CSMD1: variants seen among roughly 807,000 people sequenced by gnomAD.
The protein encoded by CSMD1 is CUB and Sushi multiple domains 1.
A neutral mutation model predicts 417.5 loss-of-function variants in CSMD1; 213 were observed. That is an observed-to-expected ratio of 0.51 (90% CI 0.46 to 0.57). The LOEUF is 0.57. Among genes scored for constraint, CSMD1 ranks in the 20% least tolerant of loss-of-function variants. The pLI is 0.00. For missense variants in CSMD1, 6,923 were observed against 4,529.7 expected (o/e 1.53, Z -15.17); for synonymous variants, 2,862 against 1,736.8 (o/e 1.65, Z -16.11).
intron 2 of CSMD1, among the ~76,000 whole-genome samples, chr8:4,619,099 T>A (rs574689783): frequency 4.7e-4 from 72 of 152,262 alleles, no homozygotes; most frequent in African/African-American, 1.7e-3. Context: ...ATAATAAATA[T>A]CCTGGTTGAA....
chr8:3,234,874 G>C lies in CSMD1; in HGVS notation c.4154-4643C>G, dbSNP rs1176017060. Among the ~76,000 whole-genome samples the C allele has an allele frequency of 2.0e-5, 3 of 152,312 alleles. No individual in the cohort carries two copies. The East Asian group carries it at 5.8e-4, about 29-fold the overall frequency. ...ACACAAATTCTTGAATTTACTCTTT[G>C]AGTGATATTCCTATAGAATCTATGA... is the stretch of plus-strand genomic sequence containing the variant. On this transcript the variant is annotated intron_variant, in intron 26 of 69. Coordinates refer to ENST00000635120, the MANE Select transcript of CSMD1 (RefSeq NM_033225.6).
intron 10 of CSMD1, among the ~76,000 whole-genome samples, chr8:3,502,351 C>G (rs1169073142): frequency 8.1e-6 from 1 of 123,920 alleles, no homozygotes; most frequent in East Asian, 2.3e-4. Flanking sequence ...GGGGACAGAC[C>G]GAGACTTCAT....
chr8:3,421,504 C>T (rs1299913026), intron 12 of CSMD1, among the ~76,000 whole-genome samples: 1 of 152,308 alleles, frequency 6.6e-6, no homozygotes, highest in South Asian at 2.1e-4. Flanking sequence ...TAGAGGAGTT[C>T]TCACTATGAA....
intron 5 of CSMD1, among the ~76,000 whole-genome samples, chr8:3,776,550 C>T (rs1323745191): frequency 2.0e-5 from 3 of 152,110 alleles, no homozygotes; most frequent in African/African-American, 4.8e-5. Context: ...GCATAGAATG[C>T]CAGATATTCT....
chr8:4,185,738 G>T (rs911580021), intron 3 of CSMD1, among the ~76,000 whole-genome samples: 1 of 152,182 alleles, frequency 6.6e-6, no homozygotes, highest in African/African-American at 2.4e-5. Flanking sequence ...TCATGCCTTT[G>T]AAGAGCTATC....
chr8:3,546,271 TA>T (rs34556563), intron 10 of CSMD1, among the ~76,000 whole-genome samples: 1 of 150,696 alleles, frequency 6.6e-6, no homozygotes, highest in Non-Finnish European at 1.5e-5. Flanking sequence ...CCTCTATTAT[TA>T]AAAAAAAAAT....
intron 10 of CSMD1, among the ~76,000 whole-genome samples, chr8:3,514,381 A>C (rs982341860): frequency 1.3e-5 from 2 of 152,192 alleles, no homozygotes; most frequent in African/African-American, 4.8e-5. Flanking sequence ...ACACCTAGCA[A>C]TACAACATGC....
At chr8:4,309,233 G>C (rs1188713157) in intron 3 of CSMD1, among the ~76,000 whole-genome samples, 1 of 151,988 alleles carries the variant, frequency 6.6e-6, no homozygotes, top group Non-Finnish European at 1.5e-5. Flanking sequence ...TTAAGTGCAA[G>C]ACCCATAATT....
At chr8:4,300,474 A>G (rs1797922113) in intron 3 of CSMD1, among the ~76,000 whole-genome samples, 1 of 152,238 alleles carries the variant, frequency 6.6e-6, no homozygotes, top group Non-Finnish European at 1.5e-5. Flanking sequence ...ATTTAACTAC[A>G]TAAATACAGT....
chr8:4,861,357 G>A (rs1378024733), intron 1 of CSMD1, among the ~76,000 whole-genome samples: 1 of 152,058 alleles, frequency 6.6e-6, no homozygotes, highest in Non-Finnish European at 1.5e-5. Context: ...GGCTTTATGG[G>A]TTCAATAGTT....
At chr8:4,102,455 C>A (rs2130882623) in intron 3 of CSMD1, among the ~76,000 whole-genome samples, 1 of 152,252 alleles carries the variant, frequency 6.6e-6, no homozygotes, top group Middle Eastern at 3.4e-3. Flanking sequence ...AGTCCTTGGT[C>A]AGTTTCAGGC....
In CSMD1 at chr8:4,001,928, G is replaced by C. The variant is rs558833865; in HGVS notation, c.611-3818C>G. Among the ~76,000 whole-genome samples, 269 of 152,236 alleles carry C rather than the reference G, an allele frequency of 1.8e-3. 1 individual carries two copies. The highest frequency in any genetic ancestry group is 3.4e-3 in the Non-Finnish European group (228 of 68,016). On this transcript the variant is annotated intron_variant, in intron 4 of 69. Transcript: ENST00000635120. ...AAAATTCCCAAACCTTATGACTATTGCATTTCTTCAGTAGATATGTTAATG... is the reference window on the plus strand; with the variant it reads ...AAAATTCCCAAACCTTATGACTATTCCATTTCTTCAGTAGATATGTTAATG...
chr8:4,591,589 G>A (rs1799985899), intron 2 of CSMD1, among the ~76,000 whole-genome samples: 1 of 152,180 alleles, frequency 6.6e-6, no homozygotes, highest in Non-Finnish European at 1.5e-5. Context: ...GCAGATGCAA[G>A]CAGCTTTCCA....
intron 3 of CSMD1, among the ~76,000 whole-genome samples, chr8:4,403,751 A>G (rs1804820153): frequency 6.6e-6 from 1 of 152,138 alleles, no homozygotes. Flanking sequence ...TCTTACTGCT[A>G]GCAACTCCAC....
rs1400684160 is a variant in CSMD1 at position 3,497,435 on chromosome 8, C to G, written c.1345-3709G>C. Among the ~76,000 whole-genome samples the G allele has an allele frequency of 2.0e-5, 3 of 152,102 alleles. No homozygotes were observed. In the East Asian group the frequency reaches 5.8e-4, roughly 29 times the overall value. On this transcript the variant is annotated intron_variant, in intron 10 of 69. Transcript: ENST00000635120. ...ATTTATTTATTTATTTAGACACAGT[C>G]TTGCTCTGTCACCCAGGCTGGAGTG...
At chr8:2,978,887 A>C (rs750813943) in intron 54 of CSMD1, 87 bp from the exon 55 acceptor site, 86 of 1,179,848 alleles carry the variant, frequency 7.3e-5, no homozygotes, top group Non-Finnish European at 9.2e-5. Context: ...ATTCCTCATC[A>C]TTTTAGAAAG....
intron 1 of CSMD1, among the ~76,000 whole-genome samples, chr8:4,681,125 A>G (rs1806024505): frequency 6.6e-6 from 1 of 152,218 alleles, no homozygotes; most frequent in Non-Finnish European, 1.5e-5. Flanking sequence ...AGATGAAAGC[A>G]AACAATTTTT....
intron 3 of CSMD1, among the ~76,000 whole-genome samples, chr8:4,328,325 T>A (rs558316955): frequency 6.6e-6 from 1 of 151,098 alleles, no homozygotes; most frequent in Non-Finnish European, 1.5e-5. Context: ...TTAAGTCAAC[T>A]GTGCGGTCTG....
At position 3,797,818 on chromosome 8, in the gene CSMD1, C is replaced by G. The variant is rs190694137; in HGVS notation, c.819-43776G>C. On this transcript the variant is annotated intron_variant, in intron 5 of 69. Coordinates refer to ENST00000635120, the MANE Select transcript of CSMD1 (RefSeq NM_033225.6). ...TATTAGGTAGGTATATGTCTGACTT[C>G]ATATAAAAGCACTAACGATTGTTCT... Among the ~76,000 whole-genome samples the G allele has an allele frequency of 4.7e-3, 708 of 152,040 alleles. 2 individuals carry two copies. Among genetic ancestry groups the G allele is most frequent in the Non-Finnish European group, 6.1e-3 (416 of 67,880 alleles).
Sources: allele counts gnomAD v4.1 joint callset (sites outside exome capture counted in the v4.1 genomes callset), GRCh38; gene constraint gnomAD v4.1.1; transcripts MANE v1.5; gene names NCBI Gene and HGNC (gene_info 2026-07-23, HGNC 2026-07-21).